The following BCAS3 variants were observed in gnomAD, a reference collection of about 807,000 sequenced individuals.
The protein encoded by BCAS3 is BCAS3 microtubule associated cell migration factor, also known as BCAS4/BCAS3 fusion.
In BCAS3, 53 loss-of-function variants were observed where a neutral mutation model predicts 116.1. That is an observed-to-expected ratio of 0.46 (90% CI 0.37 to 0.57). BCAS3 has a LOEUF of 0.57. BCAS3 is among the 20% of genes least tolerant of loss of function. BCAS3 has a pLI of 0.00. For synonymous variants in BCAS3, 391 were observed against 408.2 expected (o/e 0.96, Z 0.51); for missense variants, 917 against 1,165.4 (o/e 0.79, Z 3.10).
intron 23 of BCAS3, among the ~76,000 whole-genome samples, chr17:61,369,946 C>T (rs1005417359): frequency 2.6e-5 from 4 of 152,224 alleles, no homozygotes; most frequent in South Asian, 2.1e-4. Flanking sequence ...GACCCATCCC[C>T]GGCAGCCTCC....
intron 22 of BCAS3, among the ~76,000 whole-genome samples, chr17:61,202,822 A>G (rs1047019425): frequency 1.3e-5 from 2 of 152,220 alleles, no homozygotes; most frequent in African/African-American, 4.8e-5. Context: ...AAAAAAGATG[A>G]TGAGTCAATC....
chr17:60,838,657 G>A (rs748827415), intron 7 of BCAS3, among the ~76,000 whole-genome samples: 7 of 152,078 alleles, frequency 4.6e-5, no homozygotes, highest in Non-Finnish European at 7.4e-5. Context: ...GAATAGGTTC[G>A]GCTGTGTTTC....
chr17:61,392,092 GC>G lies in BCAS3; in HGVS notation c.2713del (p.Leu905SerfsTer110), dbSNP rs775341364. The G allele has an allele frequency of 6.2e-7, 1 of 1,613,764 alleles. No homozygotes were observed. Among genetic ancestry groups the G allele is most frequent in the African/African-American group, 1.3e-5 (1 of 75,052 alleles). ...CTCCGCTGCCCACCAATGAGAGCCA[GC>G]CCCTCAGCCTCTTCCCGACTGGCTT... ...RSPLPTNESQ[P>X]LSLFPTGFP On this transcript the variant is annotated frameshift_variant, in exon 24 of 24. Coordinates refer to ENST00000407086, the MANE Select transcript of BCAS3 (RefSeq NM_017679.5). LOFTEE classifies it high-confidence loss of function. This position sits in a 1 kb window ranked among gnomAD's most constrained non-coding sequence, Gnocchi z 6.4.
chr17:60,800,504 T>G (rs1160984750), intron 6 of BCAS3, among the ~76,000 whole-genome samples: 1 of 152,214 alleles, frequency 6.6e-6, no homozygotes, highest in Non-Finnish European at 1.5e-5. Flanking sequence ...GTCAGATATG[T>G]TTTTTGCAAG....
At chr17:60,947,087 T>G in intron 13 of BCAS3, 132 bp from the exon 14 acceptor site, 1 of 883,502 alleles carries the variant, frequency 1.1e-6, no homozygotes, top group Non-Finnish European at 1.7e-6. Context: ...TTTTTTCTTT[T>G]GTAAAGTTTC....
At chr17:60,906,494 C>T (rs1445868675) in intron 11 of BCAS3, among the ~76,000 whole-genome samples, 1 of 152,114 alleles carries the variant, frequency 6.6e-6, no homozygotes, top group Non-Finnish European at 1.5e-5. Context: ...GGCTTTGACT[C>T]TCATAGATGA....
chr17:60,938,180 C>A (rs1040460204), intron 13 of BCAS3, among the ~76,000 whole-genome samples: 1 of 152,102 alleles, frequency 6.6e-6, no homozygotes, highest in African/African-American at 2.4e-5. Context: ...AGGCGTGAGC[C>A]ACTGCACCCG....
Position 60,889,701 on chromosome 17 carries a change from A to C in BCAS3, c.668A>C (p.Tyr223Ser). The change falls in exon 10 of 24, where the codon TAT (tyrosine) becomes TCT (serine). Residue 223 changes from tyrosine (Y) to serine (S), a missense_variant. By Grantham distance (144) the Tyr-to-Ser change is moderately radical. This residue lies in a region of BCAS3 where 807 missense variants were observed against 1,026.0 expected (regional missense o/e 0.79). Transcript: ENST00000407086. ...GCCATTTGAAATTTTTCAGGCTGCT[A>C]TCCATGTCCAGGGCCAAACATGAAT... ...FTKKFFVTSC[Y>S]PCPGPNMNPI... 6.2e-7 allele frequency: 1 copy of C among 1,613,048 alleles called. No homozygotes were observed. Among genetic ancestry groups the C allele is most frequent in the Non-Finnish European group, 8.5e-7 (1 of 1,179,718 alleles).
intron 4 of BCAS3, among the ~76,000 whole-genome samples, chr17:60,692,706 C>T (rs985024335): frequency 2.0e-5 from 3 of 150,652 alleles, no homozygotes; most frequent in Non-Finnish European, 2.9e-5. Flanking sequence ...TGCACTTCAG[C>T]CTGGGCAACA....
rs2081686490 is a variant in BCAS3, at chr17:61,214,797, T to A, written c.2425+130233T>A. Among the ~76,000 whole-genome samples the A allele has an allele frequency of 6.6e-6, 1 of 152,270 alleles. No homozygotes were observed. Among genetic ancestry groups the A allele is most frequent in the Non-Finnish European group, 1.5e-5 (1 of 68,044 alleles). ...TTAACAGGTCCACAAGCCAGTGGCT[T>A]TTCTGGAAATTACTGAAAGCTAATT... On this transcript the variant is annotated intron_variant, in intron 22 of 23. Transcript: ENST00000407086. This position sits in a 1 kb window ranked among gnomAD's most constrained non-coding sequence, Gnocchi z 4.4.
chr17:60,810,927 C>T, intron 7 of BCAS3: 2 of 693,216 alleles, frequency 2.9e-6, no homozygotes, highest in Non-Finnish European at 5.3e-6. Context: ...ACATCTGGGC[C>T]CAATATGACG....
chr17:60,681,432 G>A (rs962876129), intron 2 of BCAS3, among the ~76,000 whole-genome samples: 30 of 151,772 alleles, frequency 2.0e-4, no homozygotes, highest in Admixed American at 1.6e-3. Context: ...CCCGGGAGGC[G>A]GAGGTTGCAG....
rs117060071 is a variant in BCAS3 at position 60,818,754 on chromosome 17, C to T, written c.476+10678C>T. On this transcript the variant is annotated intron_variant, in intron 7 of 23. Transcript: ENST00000407086. ...CATTTTTCAGGCTTTCTGTGGGTAC[C>T]TGGGTTTTCTTCTAGCTCTCTGCCA... 2.7e-4 allele frequency among the ~76,000 whole-genome samples: 41 copies of T among 152,168 alleles called. No homozygotes were observed. The East Asian group carries it at 7.7e-3, about 29-fold the overall frequency.
intron 4 of BCAS3, among the ~76,000 whole-genome samples, chr17:60,702,160 T>C (rs1336148667): frequency 6.6e-6 from 1 of 152,326 alleles, no homozygotes; most frequent in South Asian, 2.1e-4. Context: ...TTGAATTGAA[T>C]GCAATTGAAT....
intron 5 of BCAS3, among the ~76,000 whole-genome samples, chr17:60,731,082 T>C (rs1331592929): frequency 6.6e-6 from 1 of 152,238 alleles, no homozygotes; most frequent in Non-Finnish European, 1.5e-5. Flanking sequence ...TTGTTATTAA[T>C]TTTTAAGTTA....
Position 61,339,780 on chromosome 17 carries a change from A to G in BCAS3, c.2426-28547A>G, listed in dbSNP as rs538875576. Among the ~76,000 whole-genome samples, 1 of 151,502 alleles carries G rather than the reference A, an allele frequency of 6.6e-6. No individual in the cohort carries two copies. ...GACCCCATCTAAAAAAAAAAAAAAA[A>G]GACCAAGGAGATGAGTGGAAGAGCC... On this transcript the variant is annotated intron_variant, in intron 22 of 23. Coordinates refer to ENST00000407086, the MANE Select transcript of BCAS3 (RefSeq NM_017679.5). The surrounding 1 kb of genome is among the most constrained non-coding windows in gnomAD (Gnocchi z 4.4).
intron 22 of BCAS3, among the ~76,000 whole-genome samples, chr17:61,254,572 A>T (rs1240837985): frequency 6.6e-6 from 1 of 151,728 alleles, no homozygotes; most frequent in Non-Finnish European, 1.5e-5. Flanking sequence ...GGGTCAAGAG[A>T]TGGAGACCAG....
intron 6 of BCAS3, among the ~76,000 whole-genome samples, chr17:60,777,970 A>G (rs1316054848): frequency 6.6e-6 from 1 of 152,130 alleles, no homozygotes; most frequent in Admixed American, 6.6e-5. Context: ...AAAAATGAAC[A>G]TATTTTTATG....
chr17:60,991,980 G>T (rs2063552326), intron 15 of BCAS3, among the ~76,000 whole-genome samples: 1 of 151,934 alleles, frequency 6.6e-6, no homozygotes, highest in Non-Finnish European at 1.5e-5. Context: ...ATATTCCATT[G>T]TAGGAATGTA....
Sources: allele counts gnomAD v4.1 joint callset (sites outside exome capture counted in the v4.1 genomes callset), GRCh38; gene constraint gnomAD v4.1.1; regional missense constraint gnomAD v4.1.1; non-coding constraint Gnocchi (gnomAD v3.1); transcripts MANE v1.5; gene names NCBI Gene and HGNC (gene_info 2026-07-23, HGNC 2026-07-21).